GRAMD4: variants seen among roughly 807,000 people sequenced by gnomAD.
The protein encoded by GRAMD4 is GRAM domain containing 4.
A neutral mutation model predicts 83.9 loss-of-function variants in GRAMD4; 25 were observed. The observed-to-expected ratio is 0.30, with a 90% CI of 0.22 to 0.42. The LOEUF (loss-of-function observed/expected upper bound fraction) is 0.42. Among genes scored for constraint, GRAMD4 ranks in the 10% least tolerant of loss-of-function variants. GRAMD4 has a pLI of 1.00. For missense variants in GRAMD4, 593 were observed against 788.7 expected (o/e 0.75, Z 2.97); for synonymous variants, 336 against 320.9 (o/e 1.05, Z -0.50).
Position 46,677,468 on chromosome 22 carries a change from G to T in GRAMD4, c.*217G>T. 1 of 1,319,164 alleles carries T rather than the reference G, an allele frequency of 7.6e-7. No individual in the cohort carries two copies. The highest frequency in any genetic ancestry group is 9.7e-7 in the Non-Finnish European group (1 of 1,032,602). The allele number at this position is 1,319,164 out of a possible 1,614,324, so 81.7% of individuals were successfully genotyped here. A position where few individuals can be genotyped will look rare whatever the true frequency, so the allele number is the denominator to read the frequency against. On this transcript the variant is annotated 3_prime_UTR_variant, in exon 19 of 19. Coordinates refer to ENST00000406902, the MANE Select transcript of GRAMD4 (RefSeq NM_015124.5). ...GGGGTGCCCCTCTCCCACAGGGCAC[G>T]TCAGGTGCCTCTGAGGGCCACCCGC...
intron 1 of GRAMD4, among the ~76,000 whole-genome samples, chr22:46,599,874 C>T (rs917319054): frequency 6.6e-6 from 1 of 152,134 alleles, no homozygotes; most frequent in African/African-American, 2.4e-5. Context: ...AAGTGACCAT[C>T]GGAAGGCTTT....
chr22:46,610,166 C>T (rs1014186874), intron 1 of GRAMD4, among the ~76,000 whole-genome samples: 1 of 152,208 alleles, frequency 6.6e-6, no homozygotes, highest in African/African-American at 2.4e-5. Flanking sequence ...CTCACCCTTC[C>T]CTTAAGAGGA....
At chr22:46,588,634 G>A (rs777217972) in intron 1 of GRAMD4, among the ~76,000 whole-genome samples, 3 of 152,202 alleles carry the variant, frequency 2.0e-5, no homozygotes, top group Non-Finnish European at 4.4e-5. Context: ...CTGGGGGGCA[G>A]GGGTGGCCAG....
intron 1 of GRAMD4, among the ~76,000 whole-genome samples, chr22:46,609,107 A>AAAAAAAAAAC (rs2081392982): frequency 6.6e-6 from 1 of 151,668 alleles, no homozygotes; most frequent in African/African-American, 2.4e-5. Flanking sequence ...TGTCTCTAAA[A>AAAAAAAAAAC]AAAAAAACAA....
chr22:46,668,645 C>T, intron 11 of GRAMD4, 44 bp from the exon 12 acceptor site: 1 of 1,589,744 alleles, frequency 6.3e-7, no homozygotes, highest in Non-Finnish European at 8.6e-7. Flanking sequence ...GACTGACAGC[C>T]CAGGAGCGGG....
intron 17 of GRAMD4, 127 bp from the exon 18 acceptor site, chr22:46,676,473 A>G: frequency 1.4e-6 from 1 of 728,990 alleles, no homozygotes; most frequent in South Asian, 1.7e-5. Flanking sequence ...GTTGTTTGGA[A>G]GTCCCAGGTG....
chr22:46,636,675 C>T (rs965951026), intron 2 of GRAMD4, among the ~76,000 whole-genome samples: 3 of 152,238 alleles, frequency 2.0e-5, no homozygotes, highest in Non-Finnish European at 4.4e-5. Context: ...TGGTGGGACA[C>T]TCACTCGTGT....
chr22:46,677,299 T>A lies in GRAMD4; in HGVS notation c.*48T>A. On this transcript the variant is annotated 3_prime_UTR_variant, in exon 19 of 19. Coordinates refer to ENST00000406902, the MANE Select transcript of GRAMD4 (RefSeq NM_015124.5). ...CTGGAATTTTCTTTTTCTTTTTCTT[T>A]TTCTTTTTTTTTTTTTACGATTTGG... 1 of 1,552,814 alleles carries A rather than the reference T, an allele frequency of 6.4e-7. No individual in the cohort carries two copies. Among genetic ancestry groups the A allele is most frequent in the Non-Finnish European group, 8.6e-7 (1 of 1,157,868 alleles).
At chr22:46,586,448 C>T (rs2081150908) in intron 1 of GRAMD4, among the ~76,000 whole-genome samples, 1 of 152,042 alleles carries the variant, frequency 6.6e-6, no homozygotes, top group Admixed American at 6.5e-5. Context: ...CCCTCCCCAG[C>T]CCAGGGCTCC....
Position 46,672,840 on chromosome 22 carries a change from C to T in GRAMD4, c.1085-3C>T. The stretch of plus-strand genomic sequence containing the variant: ...TGGAGCAGGCTGTGTCCCCTGCCCT[C>T]AGGACTCTATGCTGGTATCAAGTTC... On this transcript the variant is annotated splice_region_variant and splice_polypyrimidine_tract_variant and intron_variant, in intron 13 of 18. Transcript: ENST00000406902. This position sits in a 1 kb window ranked among gnomAD's most constrained non-coding sequence, Gnocchi z 4.7. 1 of 1,610,820 alleles carries T rather than the reference C, an allele frequency of 6.2e-7. No homozygotes were observed. The highest frequency in any genetic ancestry group is 8.5e-7 in the Non-Finnish European group (1 of 1,178,148).
upstream of GRAMD4, among the ~76,000 whole-genome samples, chr22:46,576,388 T>C (rs1027170984): frequency 3.4e-5 from 3 of 88,064 alleles, no homozygotes; most frequent in Non-Finnish European, 7.5e-5. Flanking sequence ...TGGGTGGTTT[T>C]TCTAGAGGGT....
In GRAMD4 at chr22:46,677,379, G is replaced by C; in HGVS notation, c.*128G>C. On this transcript the variant is annotated 3_prime_UTR_variant, in exon 19 of 19. Transcript: ENST00000406902. ...CTTTTGCAATAATTCTCCTGGACCT[G>C]TGGTTCTATTGTGTTGACCTCTGCG... 1 of 1,438,890 alleles carries C rather than the reference G, an allele frequency of 6.9e-7. No homozygotes were observed. Among genetic ancestry groups the C allele is most frequent in the Non-Finnish European group, 9.1e-7 (1 of 1,100,440 alleles). 89.1% of individuals were successfully genotyped at this position (1,438,890 alleles called of 1,614,324 possible).
At chr22:46,639,949 C>T (rs1012278173) in intron 3 of GRAMD4, among the ~76,000 whole-genome samples, 5 of 152,140 alleles carry the variant, frequency 3.3e-5, no homozygotes, top group African/African-American at 1.2e-4. Flanking sequence ...GACCTGCCGC[C>T]TGCGACCTCA....
chr22:46,661,564 G>A lies in GRAMD4; in HGVS notation c.466+122G>A, dbSNP rs1220070566. ...ACCCCCTCCCCCAGCAGGTGGGCAG[G>A]CGGCAGGTGCTGGTTCTGTGCCCAG... is the stretch of plus-strand genomic sequence containing the variant. On this transcript the variant is annotated intron_variant, in intron 5 of 18. Coordinates refer to ENST00000406902, the MANE Select transcript of GRAMD4 (RefSeq NM_015124.5). The A allele has an allele frequency of 5.5e-6, 4 of 721,424 alleles. No individual in the cohort carries two copies. The South Asian group carries it at 6.4e-5, about 12-fold the overall frequency. 44.7% of individuals were successfully genotyped at this position (721,424 alleles called of 1,614,324 possible).
chr22:46,680,431 G>A (rs950723451), downstream of GRAMD4, among the ~76,000 whole-genome samples: 3 of 151,960 alleles, frequency 2.0e-5, no homozygotes, highest in Non-Finnish European at 4.4e-5. Flanking sequence ...GGAGCCAGGC[G>A]GAAACTAGGT....
At chr22:46,645,476 G>A (rs1302130011) in intron 3 of GRAMD4, among the ~76,000 whole-genome samples, 3 of 152,170 alleles carry the variant, frequency 2.0e-5, no homozygotes, top group Non-Finnish European at 2.9e-5. Context: ...TGACTCAGGC[G>A]CTGGTTACCA....
Position 46,672,959 on chromosome 22 carries a change from C to T in GRAMD4, c.1201C>T (p.Gln401Ter). ...IIWRSLPTDPQLKERSSAAVS... is the reference protein window; with the variant it reads ...IIWRSLPTDP ...CTGGAGGAGTCTCCCCACCGACCCG[C>T]AGCTCAAGGAGCGCTCCAGCGCCGC... The change falls in exon 14 of 19, where the codon CAG (glutamine) becomes TAG (stop). Residue 401 changes from glutamine (Q) to a stop codon, truncating the protein, a stop_gained. Coordinates refer to ENST00000406902, the MANE Select transcript of GRAMD4 (RefSeq NM_015124.5). LOFTEE classifies it high-confidence loss of function. The surrounding 1 kb of genome is among the most constrained non-coding windows in gnomAD (Gnocchi z 4.7). 6.2e-7 allele frequency: 1 copy of T among 1,609,434 alleles called. No individual in the cohort carries two copies. Among genetic ancestry groups the T allele is most frequent in the South Asian group, 1.1e-5 (1 of 90,960 alleles).
chr22:46,627,028 A>G, intron 2 of GRAMD4, 67 bp downstream of exon 2: 1 of 1,148,012 alleles, frequency 8.7e-7, no homozygotes, highest in Non-Finnish European at 1.3e-6. Flanking sequence ...GGCCGGGCCA[A>G]GCGTGGACTC....
chr22:46,606,720 A>G (rs2081369182), intron 1 of GRAMD4, among the ~76,000 whole-genome samples: 1 of 152,010 alleles, frequency 6.6e-6, no homozygotes, highest in Non-Finnish European at 1.5e-5. Flanking sequence ...GCATCTCTTC[A>G]TGGGCTCATG....
Sources: gnomAD v4.1 joint callset for allele counts (sites outside exome capture counted in the v4.1 genomes callset) on GRCh38, gnomAD v4.1.1 for gene constraint, Gnocchi (gnomAD v3.1) non-coding constraint, MANE v1.5 for transcripts, NCBI Gene and HGNC (gene_info 2026-07-23, HGNC 2026-07-21) for gene names.